ANO2: variants seen among roughly 807,000 people sequenced by gnomAD.
The protein encoded by ANO2 is anoctamin 2, also known as anoctamin-2.
A neutral mutation model predicts 124.2 loss-of-function variants in ANO2; 101 were observed. The ratio of observed to expected loss-of-function variants is 0.81; its 90% CI spans 0.69 to 0.96. The LOEUF is 0.96. ANO2 is among the 40% of genes least tolerant of loss of function. ANO2 has a pLI of 0.00. For missense variants in ANO2, 1,293 were observed against 1,274.5 expected (o/e 1.01, Z -0.22); for synonymous variants, 486 against 482.5 (o/e 1.01, Z -0.09).
In ANO2 at chr12:5,640,810, G is replaced by C. The variant is rs547019829; in HGVS notation, c.1621-5463C>G. Among the ~76,000 whole-genome samples the C allele has an allele frequency of 4.9e-4, 74 of 152,338 alleles. 1 individual carries two copies. Among genetic ancestry groups the C allele is most frequent in the Non-Finnish European group, 1.0e-3 (68 of 68,030 alleles). On this transcript the variant is annotated intron_variant, in intron 15 of 24. Transcript: ENST00000682330. ...ACTAGTTCAACGATTGTGGAAGACA[G>C]TGTGGCGATTCCTCAAGGATCTAGA...
chr12:5,812,698 GAAAGAAAAGAAGAAGAAGGA>G (rs1953458535), intron 7 of ANO2, among the ~76,000 whole-genome samples: 1 of 132,772 alleles, frequency 7.5e-6, no homozygotes, highest in Non-Finnish European at 1.6e-5. Context: ...GAAAGAAAGA[GAAAGAAAAGAAGAAGAAGGA>G]AGGGAGGGAG....
intron 14 of ANO2, among the ~76,000 whole-genome samples, chr12:5,649,670 T>C (rs1008066630): frequency 4.6e-5 from 7 of 152,122 alleles, no homozygotes; most frequent in African/African-American, 1.7e-4. Flanking sequence ...AGTGGTATGA[T>C]CTTGGCTCAC....
At chr12:5,935,752 C>A (rs770793707) in intron 1 of ANO2, among the ~76,000 whole-genome samples, 18 of 152,152 alleles carry the variant, frequency 1.2e-4, no homozygotes, top group Non-Finnish European at 2.1e-4. Flanking sequence ...GGTTCTCAAC[C>A]TTGGATATTC....
intron 1 of ANO2, among the ~76,000 whole-genome samples, chr12:5,940,030 A>G (rs1032082424): frequency 2.0e-5 from 3 of 152,200 alleles, no homozygotes; most frequent in African/African-American, 7.2e-5. Flanking sequence ...AGGCAGGGAT[A>G]TGGTAAATGC....
intron 1 of ANO2, among the ~76,000 whole-genome samples, chr12:5,938,533 G>A (rs928481777): frequency 8.5e-5 from 13 of 152,152 alleles, no homozygotes; most frequent in African/African-American, 3.1e-4. Flanking sequence ...ATTAAGATAA[G>A]CTAAGGGCCA....
intron 4 of ANO2, among the ~76,000 whole-genome samples, chr12:5,836,180 C>G (rs1383647070): frequency 6.6e-6 from 1 of 152,190 alleles, no homozygotes; most frequent in African/African-American, 2.4e-5. Context: ...TAACCAGTCT[C>G]TCCACATTTT....
At chr12:5,779,452 C>T (rs181884196) in intron 10 of ANO2, among the ~76,000 whole-genome samples, 46 of 152,320 alleles carry the variant, frequency 3.0e-4, no homozygotes, top group Admixed American at 9.1e-4. Context: ...TTCCTCCAAA[C>T]GCTCTTCTTT....
At chr12:5,801,741 A>G (rs1366700058) in intron 9 of ANO2, among the ~76,000 whole-genome samples, 2 of 152,248 alleles carry the variant, frequency 1.3e-5, no homozygotes, top group African/African-American at 2.4e-5. Context: ...GGGGTCACTC[A>G]GTGCATGAAG....
intron 3 of ANO2, among the ~76,000 whole-genome samples, chr12:5,883,687 AC>A (rs990743215): frequency 1.3e-5 from 2 of 152,086 alleles, no homozygotes; most frequent in African/African-American, 4.8e-5. Flanking sequence ...CTCCTCTACC[AC>A]CAGGAACTGG....
At position 5,799,380 on chromosome 12, in the gene ANO2, A is replaced by C. The variant is rs1039231087; in HGVS notation, c.1055+127T>G. 3.7e-6 allele frequency: 3 copies of C among 817,172 alleles called. No individual in the cohort carries two copies. The African/African-American group carries it at 5.2e-5, about 14-fold the overall frequency. The allele number at this position is 817,172 out of a possible 1,614,324, so 50.6% of individuals were successfully genotyped here. A position where few individuals can be genotyped will look rare whatever the true frequency, so the allele number is the denominator to read the frequency against. On this transcript the variant is annotated intron_variant, in intron 10 of 24. Transcript: ENST00000682330. ...CCACCCATGAGACACAGAGGAGTGG[A>C]TCATAGAAGCTAGAAAAGAAGATCC...
chr12:5,824,187 T>C (rs183563428), intron 7 of ANO2, among the ~76,000 whole-genome samples: 1 of 152,344 alleles, frequency 6.6e-6, no homozygotes, highest in African/African-American at 2.4e-5. Flanking sequence ...ATTAGGCTCC[T>C]TGCTACTTAT....
At chr12:5,812,087 G>A (rs564978564) in intron 7 of ANO2, among the ~76,000 whole-genome samples, 1 of 146,712 alleles carries the variant, frequency 6.8e-6, no homozygotes, top group East Asian at 2.0e-4. Flanking sequence ...GGAGAGGAAG[G>A]GATGGGAGGG....
intron 7 of ANO2, 57 bp from the exon 8 acceptor site, chr12:5,807,425 AC>A (rs1953234635): frequency 6.8e-7 from 1 of 1,462,282 alleles, no homozygotes; most frequent in African/African-American, 1.4e-5. Flanking sequence ...TCTCAACTTA[AC>A]CCCTGTTTTT....
intron 15 of ANO2, among the ~76,000 whole-genome samples, chr12:5,638,348 G>A (rs1946144201): frequency 6.8e-6 from 1 of 147,272 alleles, no homozygotes; most frequent in Non-Finnish European, 1.5e-5. Flanking sequence ...CCATTCTCCT[G>A]CTTCAGCCTC....
chr12:5,868,759 C>G (rs1276608213), intron 3 of ANO2, among the ~76,000 whole-genome samples: 1 of 152,216 alleles, frequency 6.6e-6, no homozygotes, highest in Non-Finnish European at 1.5e-5. Context: ...ATGCACACCA[C>G]ATGGAACCAG....
rs1953628788 is a variant in ANO2 at position 5,816,908 on chromosome 12, C to T, written c.893-9540G>A. On this transcript the variant is annotated intron_variant, in intron 7 of 24. Coordinates refer to ENST00000682330, the MANE Select transcript of ANO2 (RefSeq NM_001364791.2). ...AGGGTAGAAATTATGCTAAACTCAG[C>T]TTGGCATCCCTCCGTTTCTCTAACA... Among the ~76,000 whole-genome samples, 4 of 152,212 alleles carry T rather than the reference C, an allele frequency of 2.6e-5. No homozygotes were observed. The South Asian group carries it at 6.2e-4, about 24-fold the overall frequency.
intron 3 of ANO2, among the ~76,000 whole-genome samples, chr12:5,896,048 TC>T (rs975305758): frequency 1.9e-4 from 29 of 152,138 alleles, no homozygotes; most frequent in African/African-American, 7.0e-4. Flanking sequence ...AACCAAATAT[TC>T]TATCCTCTCA....
At chr12:5,930,736 A>C (rs1361523223) in intron 1 of ANO2, among the ~76,000 whole-genome samples, 1 of 152,090 alleles carries the variant, frequency 6.6e-6, no homozygotes, top group Non-Finnish European at 1.5e-5. Flanking sequence ...CCAGGCTTAA[A>C]ATTTGGGCCC....
intron 14 of ANO2, among the ~76,000 whole-genome samples, chr12:5,695,244 T>C (rs1001535358): frequency 2.6e-5 from 4 of 152,150 alleles, no homozygotes; most frequent in African/African-American, 9.7e-5. Context: ...TAGGCCCTTT[T>C]AACTACGACT....
Sources: allele counts gnomAD v4.1 joint callset (sites outside exome capture counted in the v4.1 genomes callset), GRCh38; gene constraint gnomAD v4.1.1; transcripts MANE v1.5; gene names NCBI Gene and HGNC (gene_info 2026-07-23, HGNC 2026-07-21).